RAPGEF4: variants seen among roughly 807,000 people sequenced by gnomAD.
RAPGEF4 encodes the protein Rap guanine nucleotide exchange factor 4.
RAPGEF4 carries 66 observed loss-of-function variants against 147.9 expected under a neutral mutation model. That is an observed-to-expected ratio of 0.45 (90% CI 0.37 to 0.55). RAPGEF4 has a LOEUF of 0.55. RAPGEF4 is among the 20% of genes least tolerant of loss of function. The probability of loss-of-function intolerance (pLI) is 0.00; values close to 1 mark genes in which losing one functional copy is unlikely to be tolerated. For missense variants in RAPGEF4, 1,071 were observed against 1,257.3 expected, an observed-to-expected ratio of 0.85 and a Z score of 2.24; for synonymous variants, 419 against 442.7, an observed-to-expected ratio of 0.95 and a Z score of 0.67.
intron 10 of RAPGEF4, among the ~76,000 whole-genome samples, chr2:172,968,712 C>T (rs952083668): frequency 3.3e-5 from 5 of 152,194 alleles, no homozygotes; most frequent in Non-Finnish European, 5.9e-5. Flanking sequence ...TAGAGCTTCA[C>T]TGACATAAGC....
chr2:172,754,401 C>A (rs1480645502), intron 1 of RAPGEF4, among the ~76,000 whole-genome samples: 2 of 151,986 alleles, frequency 1.3e-5, no homozygotes, highest in East Asian at 3.9e-4. Context: ...TTAAAAATTT[C>A]TTGTGTTTTA....
intron 6 of RAPGEF4, among the ~76,000 whole-genome samples, chr2:172,938,062 G>T (rs1686774824): frequency 6.6e-6 from 1 of 152,026 alleles, no homozygotes; most frequent in East Asian, 1.9e-4. Context: ...ATTTTGCCAA[G>T]GATTCTTGGT....
chr2:172,962,064 G>A (rs938248451), intron 8 of RAPGEF4, among the ~76,000 whole-genome samples: 8 of 152,194 alleles, frequency 5.3e-5, no homozygotes, highest in African/African-American at 1.9e-4. Context: ...ACTGAACCAT[G>A]GTGGGCCAGT....
chr2:172,752,868 T>C (rs1455576016), intron 1 of RAPGEF4, among the ~76,000 whole-genome samples: 3 of 152,248 alleles, frequency 2.0e-5, no homozygotes, highest in Admixed American at 6.5e-5. Flanking sequence ...TGAATGAACC[T>C]TATCTGTTCC....
At position 173,016,338 on chromosome 2, in the gene RAPGEF4, G is replaced by T; in HGVS notation, c.1810-11G>T. 6.3e-7 allele frequency: 1 copy of T among 1,599,452 alleles called. No homozygotes were observed. The highest frequency in any genetic ancestry group is 1.7e-4 in the Middle Eastern group (1 of 6,034). ...TTCTTGTTAAAAGCCTGTGACTTTTGCCAATTACAGGAGTTTTATGTATCT... is the reference window on the plus strand; with the variant it reads ...TTCTTGTTAAAAGCCTGTGACTTTTTCCAATTACAGGAGTTTTATGTATCT... On this transcript the variant is annotated splice_polypyrimidine_tract_variant and intron_variant, in intron 18 of 30. Coordinates refer to ENST00000397081, the MANE Select transcript of RAPGEF4 (RefSeq NM_007023.4).
At chr2:172,999,518 C>A (rs1288782819) in intron 16 of RAPGEF4, among the ~76,000 whole-genome samples, 1 of 152,122 alleles carries the variant, frequency 6.6e-6, no homozygotes, top group Non-Finnish European at 1.5e-5. Flanking sequence ...CTTAATTTAC[C>A]AAAAATCTGT....
intron 1 of RAPGEF4, among the ~76,000 whole-genome samples, chr2:172,791,573 A>C (rs1229009683): frequency 6.6e-6 from 1 of 152,228 alleles, no homozygotes; most frequent in Non-Finnish European, 1.5e-5. Flanking sequence ...TGAAGTACCC[A>C]ATAAAATTAA....
At chr2:172,977,557 T>C (rs1476002986) in intron 10 of RAPGEF4, among the ~76,000 whole-genome samples, 1 of 152,042 alleles carries the variant, frequency 6.6e-6, no homozygotes, top group Non-Finnish European at 1.5e-5. Flanking sequence ...GGCTGGTTTC[T>C]GTTACTGCTG....
At chr2:172,815,217 G>A (rs1035352745) in intron 4 of RAPGEF4, among the ~76,000 whole-genome samples, 9 of 152,330 alleles carry the variant, frequency 5.9e-5, no homozygotes, top group Admixed American at 4.6e-4. Flanking sequence ...TTCGCCACTG[G>A]TCCCAGTGTG....
At chr2:172,923,414 A>G (rs1684964926) in intron 6 of RAPGEF4, among the ~76,000 whole-genome samples, 1 of 152,114 alleles carries the variant, frequency 6.6e-6, no homozygotes. Flanking sequence ...GATTACAGGC[A>G]TGCACCACCA....
intron 20 of RAPGEF4, 97 bp downstream of exon 20, chr2:173,017,301 T>A: frequency 2.0e-6 from 3 of 1,493,548 alleles, no homozygotes; most frequent in Middle Eastern, 1.7e-4. Context: ...GATTTCTTTT[T>A]TGTAGACGTG....
Position 172,988,851 on chromosome 2 carries a change from G to A in RAPGEF4, c.1374+12G>A. On this transcript the variant is annotated intron_variant, in intron 14 of 30. Transcript: ENST00000397081. ...ACCGGATCCTAAGGGTGAGTCCAAAGCAAAGTGTGGCTGAGAGACAGCCCA... is the reference window on the plus strand; with the variant it reads ...ACCGGATCCTAAGGGTGAGTCCAAAACAAAGTGTGGCTGAGAGACAGCCCA... 1 of 1,611,888 alleles carries A rather than the reference G, an allele frequency of 6.2e-7. No individual in the cohort carries two copies.
intron 4 of RAPGEF4, among the ~76,000 whole-genome samples, chr2:172,904,916 T>G (rs1174313157): frequency 3.9e-5 from 6 of 152,024 alleles, no homozygotes; most frequent in Non-Finnish European, 7.4e-5. Context: ...CTTAGAATGC[T>G]TCCTGTCACA....
chr2:172,987,293 C>A (rs906174194), intron 12 of RAPGEF4, among the ~76,000 whole-genome samples: 2 of 152,044 alleles, frequency 1.3e-5, no homozygotes, highest in Admixed American at 6.6e-5. Flanking sequence ...CAGAGTGAGA[C>A]CCTGTCTCAA....
chr2:172,868,840 G>C (rs182919602), intron 4 of RAPGEF4, among the ~76,000 whole-genome samples: 2 of 152,320 alleles, frequency 1.3e-5, no homozygotes, highest in East Asian at 3.9e-4. Flanking sequence ...GAAGCATGAT[G>C]CTGGCATCTG....
At chr2:172,904,500 GTTGA>G (rs1219340062) in intron 4 of RAPGEF4, among the ~76,000 whole-genome samples, 1 of 152,100 alleles carries the variant, frequency 6.6e-6, no homozygotes, top group African/African-American at 2.4e-5. Context: ...GAAGCTTATG[GTTGA>G]TTAATTACTC....
intron 23 of RAPGEF4, 63 bp downstream of exon 23, chr2:173,020,778 T>C (rs1696013352): frequency 1.5e-6 from 2 of 1,364,974 alleles, no homozygotes; most frequent in Non-Finnish European, 2.1e-6. Flanking sequence ...GGAGCCTAAT[T>C]TTGCAGTCAC....
At chr2:172,770,132 A>G (rs563513468) in intron 1 of RAPGEF4, among the ~76,000 whole-genome samples, 2 of 152,312 alleles carry the variant, frequency 1.3e-5, no homozygotes, top group South Asian at 2.1e-4. Flanking sequence ...GAGGAAGTAT[A>G]AGAATACCTG....
chr2:172,934,266 C>T (rs1435044726), intron 6 of RAPGEF4, among the ~76,000 whole-genome samples: 1 of 149,738 alleles, frequency 6.7e-6, no homozygotes, highest in Non-Finnish European at 1.5e-5. Context: ...TCCCCTGCCT[C>T]AGCCTCCCAA....
Sources: gnomAD v4.1 joint callset for allele counts (sites outside exome capture counted in the v4.1 genomes callset) on GRCh38, gnomAD v4.1.1 for gene constraint, MANE v1.5 for transcripts, NCBI Gene and HGNC (gene_info 2026-07-23, HGNC 2026-07-21) for gene names.